LOXHD1: variants seen among roughly 807,000 people sequenced by gnomAD.
LOXHD1 encodes lipoxygenase homology domain-containing protein 1.
Under a neutral mutation model 248.2 loss-of-function variants are expected in LOXHD1, and 205 were observed. That is an observed-to-expected ratio of 0.83 (90% CI 0.74 to 0.93). LOXHD1 has a LOEUF of 0.93. LOXHD1 is among the 40% of genes least tolerant of loss of function. The pLI, the probability that LOXHD1 is intolerant of heterozygous loss-of-function variation, is 0.00. For synonymous variants in LOXHD1, 1,113 were observed against 1,162.8 expected, an observed-to-expected ratio of 0.96 and a Z score of 0.87; for missense variants, 2,930 against 2,971.6, an observed-to-expected ratio of 0.99 and a Z score of 0.33.
At chr18:46,515,982 A>G (rs2035228934) in intron 34 of LOXHD1, among the ~76,000 whole-genome samples, 1 of 152,216 alleles carries the variant, frequency 6.6e-6, no homozygotes, top group Non-Finnish European at 1.5e-5. Flanking sequence ...CCCTACCTCC[A>G]GCTTTACCAC....
chr18:46,592,412 C>G (rs192919062), intron 11 of LOXHD1, 86 bp downstream of exon 11: 2 of 1,163,924 alleles, frequency 1.7e-6, no homozygotes, highest in Admixed American at 4.5e-5. Context: ...AATACAGAGG[C>G]AAATTTATGT....
chr18:46,536,311 T>C (rs963372586), intron 26 of LOXHD1, among the ~76,000 whole-genome samples: 3 of 151,966 alleles, frequency 2.0e-5, no homozygotes, highest in African/African-American at 7.3e-5. Context: ...CCTCCTGAGA[T>C]AGTGGCTGAG....
chr18:46,588,505 T>C (rs1277230846), intron 12 of LOXHD1, among the ~76,000 whole-genome samples: 2 of 152,206 alleles, frequency 1.3e-5, no homozygotes, highest in Non-Finnish European at 2.9e-5. Flanking sequence ...ACATGTAACC[T>C]GTAGAGATGC....
intron 2 of LOXHD1, among the ~76,000 whole-genome samples, chr18:46,648,220 C>T (rs759111873): frequency 1.3e-5 from 2 of 152,056 alleles, no homozygotes; most frequent in East Asian, 3.9e-4. Flanking sequence ...ATTGCACCAC[C>T]GCACTCCAGC....
In LOXHD1 at chr18:46,538,251, C is replaced by T. The variant is rs1555673818; in HGVS notation, c.4000G>A (p.Asp1334Asn). 7.1e-6 allele frequency: 11 copies of T among 1,551,410 alleles called. No homozygotes were observed. Among genetic ancestry groups the T allele is most frequent in the Admixed American group, 3.9e-5 (2 of 51,000 alleles). The change falls in exon 26 of 41, where the codon GAT (aspartate) becomes AAT (asparagine). Residue 1334 changes from aspartate to asparagine, a missense_variant. Coordinates refer to ENST00000642948, the MANE Select transcript of LOXHD1 (RefSeq NM_001384474.1). ...ANIFIIIYGC[D>N]AVCTQQKYLC... is the part of the protein sequence containing the mutation. ...TACTTCTGCTGGGTGCACACGGCAT[C>T]GCAGCCATAGATGATGATGAAGATG...
In LOXHD1 at chr18:46,557,355, C is replaced by T. The variant is rs1301706601; in HGVS notation, c.3350+1G>A. The T allele has an allele frequency of 4.5e-6, 7 of 1,552,372 alleles. No individual in the cohort carries two copies. Among genetic ancestry groups the T allele is most frequent in the South Asian group, 1.2e-5 (1 of 84,056 alleles). ...TCCCTGCCCACTGCCCCCACACTCA[C>T]GTGATCTCGTTGTTCATGTCAGTAA... On this transcript the variant is annotated splice_donor_variant, in intron 21 of 40. Coordinates refer to ENST00000642948, the MANE Select transcript of LOXHD1 (RefSeq NM_001384474.1). LOFTEE classifies it high-confidence loss of function.
At chr18:46,500,142 G>A (rs2034134545) in intron 37 of LOXHD1, among the ~76,000 whole-genome samples, 1 of 151,870 alleles carries the variant, frequency 6.6e-6, no homozygotes. Flanking sequence ...CTCAAATGTT[G>A]AAATTCTTGG....
intron 37 of LOXHD1, among the ~76,000 whole-genome samples, chr18:46,494,306 C>T (rs146927078): frequency 9.2e-5 from 14 of 152,308 alleles, no homozygotes; most frequent in African/African-American, 2.6e-4. Flanking sequence ...AAACATAGAA[C>T]TGATCAATGA....
chr18:46,533,686 G>T (rs943717697), intron 27 of LOXHD1: 1 of 329,516 alleles, frequency 3.0e-6, no homozygotes, highest in East Asian at 9.6e-5. Flanking sequence ...CACTTTGAGA[G>T]GCCAAGGCGG....
At chr18:46,520,481 G>T in intron 33 of LOXHD1, 1 of 362,420 alleles carries the variant, frequency 2.8e-6, no homozygotes, top group Non-Finnish European at 5.4e-6. Context: ...CCTAGCACCA[G>T]GCATCTGCCT....
At chr18:46,642,146 G>A in intron 2 of LOXHD1, 110 bp from the exon 3 acceptor site, 1 of 944,402 alleles carries the variant, frequency 1.1e-6, no homozygotes, top group South Asian at 1.4e-5. Flanking sequence ...CTCCTGGGGA[G>A]AGCTATGAGC....
chr18:46,558,017 C>A, intron 20 of LOXHD1: 1 of 991,686 alleles, frequency 1.0e-6, no homozygotes, highest in Non-Finnish European at 1.2e-6. Flanking sequence ...AATGCACACA[C>A]TGCTCCATGC....
chr18:46,559,236 G>A, intron 20 of LOXHD1: 2 of 1,506,676 alleles, frequency 1.3e-6, no homozygotes, highest in Non-Finnish European at 1.8e-6. Context: ...CTGGCCCATG[G>A]GCTCTAGGTG....
At chr18:46,533,659 C>T (rs531536203) in intron 27 of LOXHD1, 3 of 329,508 alleles carry the variant, frequency 9.1e-6, no homozygotes, top group South Asian at 8.2e-5. Flanking sequence ...CATGGTGGCT[C>T]ATGCCTGTAA....
intron 8 of LOXHD1, among the ~76,000 whole-genome samples, chr18:46,596,012 A>C (rs2038251713): frequency 6.6e-6 from 1 of 152,282 alleles, no homozygotes; most frequent in South Asian, 2.1e-4. Flanking sequence ...CTGGTTCTAG[A>C]AGGTTAAAGG....
intron 37 of LOXHD1, among the ~76,000 whole-genome samples, chr18:46,493,592 T>C (rs977133458): frequency 3.9e-5 from 6 of 152,202 alleles, no homozygotes; most frequent in Admixed American, 3.9e-4. Flanking sequence ...TAAGAGTGGA[T>C]GGGAAAAAGA....
In LOXHD1 at chr18:46,521,300, T is replaced by G. The variant is rs765914743; in HGVS notation, c.5086-18A>C. On this transcript the variant is annotated intron_variant, in intron 32 of 40. Transcript: ENST00000642948. The stretch of plus-strand genomic sequence containing the variant: ...TGGCCCAGCTAGGAGGAGACACACC[T>G]GATCTGTGACGATCTGGGCACAACT... 13 of 1,551,386 alleles carry G rather than the reference T, an allele frequency of 8.4e-6. No homozygotes were observed. The highest frequency in any genetic ancestry group is 7.8e-5 in the Admixed American group (4 of 50,986).
intron 34 of LOXHD1, among the ~76,000 whole-genome samples, chr18:46,515,636 G>A (rs931702625): frequency 6.6e-6 from 1 of 152,222 alleles, no homozygotes; most frequent in African/African-American, 2.4e-5. Context: ...AAGTTGGAAT[G>A]TAGGAGTGGG....
chr18:46,595,466 A>C (rs1190137554), intron 8 of LOXHD1, among the ~76,000 whole-genome samples: 3 of 152,160 alleles, frequency 2.0e-5, no homozygotes, highest in African/African-American at 7.2e-5. Flanking sequence ...AGTTCACCCC[A>C]CCTGCATTCA....
Sources: allele counts gnomAD v4.1 joint callset (sites outside exome capture counted in the v4.1 genomes callset), GRCh38; gene constraint gnomAD v4.1.1; transcripts MANE v1.5; gene names NCBI Gene and HGNC (gene_info 2026-07-23, HGNC 2026-07-21).